Variants in WBP1L observed in about 807,000 individuals in gnomAD.
WBP1L encodes the protein WW domain binding protein 1 like.
Under a neutral mutation model 33.7 loss-of-function variants are expected in WBP1L, and 17 were observed. That is an observed-to-expected ratio of 0.50 (90% CI 0.34 to 0.76). The LOEUF is 0.76. WBP1L is among the 30% of genes least tolerant of loss of function. The pLI, the probability that WBP1L is intolerant of heterozygous loss-of-function variation, is 0.01. For synonymous variants in WBP1L, 173 were observed against 190.8 expected, an observed-to-expected ratio of 0.91 and a Z score of 0.77; for missense variants, 389 against 469.4, an observed-to-expected ratio of 0.83 and a Z score of 1.58.
chr10:102,748,256 T>A lies in WBP1L; in HGVS notation c.90+4113T>A, dbSNP rs1334195655. On this transcript the variant is annotated intron_variant, in intron 1 of 3. Transcript: ENST00000448841. ...CTGGGCAACAGAGCGAGACTCCGTC[T>A]CAAAAAAAAAAAACCAAACAAACAA... Among the ~76,000 whole-genome samples, 24 of 148,192 alleles carry A rather than the reference T, an allele frequency of 1.6e-4. 1 individual carries two copies. The highest frequency in any genetic ancestry group is 1.5e-3 in the Admixed American group (23 of 14,872).
intron 1 of WBP1L, among the ~76,000 whole-genome samples, chr10:102,778,145 C>T (rs564565661): frequency 2.0e-5 from 3 of 152,210 alleles, no homozygotes; most frequent in Non-Finnish European, 4.4e-5. Flanking sequence ...ACGTTAGCAC[C>T]TGGGCTGGTA....
In WBP1L at chr10:102,768,363, AGTTTTTT is replaced by A. The variant is rs1590172964; in HGVS notation, c.90+24228_90+24234del. ...TGCTTGAGCCATTGCGCCTGGCATT[AGTTTTTT>A]GTTTTTTTTTTTTTTTTTTTTTTTT... is the stretch of plus-strand genomic sequence containing the variant. On this transcript the variant is annotated intron_variant, in intron 1 of 3. Transcript: ENST00000448841. 3.6e-3 allele frequency among the ~76,000 whole-genome samples: 166 copies of A among 46,200 alleles called. 18 individuals carry two copies. The highest frequency in any genetic ancestry group is 0.01 in the African/African-American group (58 of 5,662). The allele number at this position is 46,200 out of a possible 152,430, so 30.3% of individuals were successfully genotyped here.
intron 2 of WBP1L, among the ~76,000 whole-genome samples, chr10:102,800,530 T>C (rs7077215): frequency 0.011 from 1,706 of 152,282 alleles, 27 homozygotes; most frequent in African/African-American, 0.039. Flanking sequence ...TCTCTCTAGC[T>C]ACGGGCGTTT....
At chr10:102,808,634 A>T (rs532627519) in intron 2 of WBP1L, among the ~76,000 whole-genome samples, 1 of 152,312 alleles carries the variant, frequency 6.6e-6, no homozygotes, top group East Asian at 1.9e-4. Flanking sequence ...CCCGATTAGG[A>T]TTATGTCGAG....
At chr10:102,765,065 T>TGA (rs1288539597) in intron 1 of WBP1L, among the ~76,000 whole-genome samples, 2 of 152,128 alleles carry the variant, frequency 1.3e-5, no homozygotes, top group African/African-American at 4.8e-5. Context: ...AGCTGAGAAA[T>TGA]GAGAGATGTA....
chr10:102,809,191 C>T (rs1843788434), intron 2 of WBP1L, among the ~76,000 whole-genome samples: 3 of 152,152 alleles, frequency 2.0e-5, no homozygotes, highest in Non-Finnish European at 4.4e-5. Flanking sequence ...AATTCTCCTG[C>T]CTCAGCCTCC....
Position 102,744,009 on chromosome 10 carries a change from A to G in WBP1L, c.-45A>G, listed in dbSNP as rs1022530701. Reference sequence around the variant, plus strand: ...GTAGAGGAGGAGAGGGAGGAGGAGGAGGGAGGTGGCGGCGCCGTGGCGGAG... The same window carrying G: ...GTAGAGGAGGAGAGGGAGGAGGAGGGGGGAGGTGGCGGCGCCGTGGCGGAG... On this transcript the variant is annotated 5_prime_UTR_variant, in exon 1 of 4. Coordinates refer to ENST00000448841, the MANE Select transcript of WBP1L (RefSeq NM_001083913.2). 4 of 1,389,652 alleles carry G rather than the reference A, an allele frequency of 2.9e-6. No individual in the cohort carries two copies. Among genetic ancestry groups the G allele is most frequent in the Non-Finnish European group, 4.0e-6 (4 of 1,004,210 alleles). 86.1% of individuals were successfully genotyped at this position (1,389,652 alleles called of 1,614,324 possible).
chr10:102,806,918 G>A (rs565026725), intron 2 of WBP1L, among the ~76,000 whole-genome samples: 2 of 152,150 alleles, frequency 1.3e-5, no homozygotes, highest in African/African-American at 2.4e-5. Flanking sequence ...GGAAAATTGT[G>A]TATATACAAA....
rs139356523 is a variant in WBP1L at position 102,787,186 on chromosome 10, G to A, written c.91-10807G>A. Among the ~76,000 whole-genome samples the A allele has an allele frequency of 4.6e-5, 7 of 152,338 alleles. No individual in the cohort carries two copies. In the East Asian group the frequency reaches 1.3e-3, roughly 29 times the overall value. On this transcript the variant is annotated intron_variant, in intron 1 of 3. Transcript: ENST00000448841. Reference sequence around the variant, plus strand: ...GCAGTGGCTTGCCCTTTATGGGGAAGGATGGAATTGAGTAAGCTCTTTTAG... The same window carrying A: ...GCAGTGGCTTGCCCTTTATGGGGAAAGATGGAATTGAGTAAGCTCTTTTAG...
rs567487638 is a variant in WBP1L at position 102,812,922 on chromosome 10, A to C, written c.683A>C (p.Asp228Ala). The change falls in exon 4 of 4, where the codon GAC becomes GCC. Residue 228 changes from aspartate (D) to alanine (A), a missense_variant. Coordinates refer to ENST00000448841, the MANE Select transcript of WBP1L (RefSeq NM_001083913.2). ...TCTGTGGCTGGCCTGGGGGAGCTGG[A>C]CCCGGGGGCCTTCCTGGACAAAGAT... ...SGSVAGLGELDPGAFLDKDAE... is the reference protein window; with the variant it reads ...SGSVAGLGELAPGAFLDKDAE... 6.3e-7 allele frequency: 1 copy of C among 1,588,334 alleles called. No individual in the cohort carries two copies. The highest frequency in any genetic ancestry group is 1.1e-5 in the South Asian group (1 of 87,584).
At chr10:102,770,913 A>G (rs1843179672) in intron 1 of WBP1L, among the ~76,000 whole-genome samples, 1 of 152,246 alleles carries the variant, frequency 6.6e-6, no homozygotes. Context: ...CATAAAGGAA[A>G]GAGCCTGTGG....
At chr10:102,812,454 C>T (rs1843856867) in intron 3 of WBP1L, 141 bp from the exon 4 acceptor site, 2 of 1,026,520 alleles carry the variant, frequency 1.9e-6, no homozygotes, top group Non-Finnish European at 2.7e-6. Flanking sequence ...CTCTCCTCTG[C>T]TCACAACCAA....
chr10:102,761,512 A>C (rs1376612584), intron 1 of WBP1L, among the ~76,000 whole-genome samples: 4 of 151,058 alleles, frequency 2.6e-5, no homozygotes, highest in African/African-American at 9.8e-5. Flanking sequence ...GCTGGAGTGC[A>C]ATGGTACAAT....
chr10:102,773,040 A>G (rs1843213268), intron 1 of WBP1L, among the ~76,000 whole-genome samples: 1 of 151,032 alleles, frequency 6.6e-6, no homozygotes, highest in African/African-American at 2.4e-5. Flanking sequence ...CTCATCATGT[A>G]TGAGGCTGGA....
At chr10:102,806,810 G>A (rs376375301) in intron 2 of WBP1L, among the ~76,000 whole-genome samples, 150 of 152,298 alleles carry the variant, frequency 9.8e-4, no homozygotes, top group African/African-American at 3.4e-3. Context: ...CCCACTTGGT[G>A]GAGGGCAGCT....
chr10:102,789,747 CT>C lies in WBP1L; in HGVS notation c.91-8229del, dbSNP rs759423576. Among the ~76,000 whole-genome samples, 448 of 138,152 alleles carry C rather than the reference CT, an allele frequency of 3.2e-3. 1 individual carries two copies. The highest frequency in any genetic ancestry group is 4.6e-3 in the African/African-American group (173 of 37,996). The allele number at this position is 138,152 out of a possible 152,430, so 90.6% of individuals were successfully genotyped here. On this transcript the variant is annotated intron_variant, in intron 1 of 3. Transcript: ENST00000448841. Reference sequence around the variant, plus strand: ...TTCTTATTATCTGGAAATTTTGTATCTTTTTTTTTTTTTTTTTGACAGTCTC... The same window carrying C: ...TTCTTATTATCTGGAAATTTTGTATCTTTTTTTTTTTTTTTTGACAGTCTC...
chr10:102,766,992 G>C (rs1843120209), intron 1 of WBP1L, among the ~76,000 whole-genome samples: 1 of 152,210 alleles, frequency 6.6e-6, no homozygotes, highest in African/African-American at 2.4e-5. Context: ...GCAGCCTGCT[G>C]ATTTTCATGT....
chr10:102,777,885 C>G (rs1161855154), intron 1 of WBP1L, among the ~76,000 whole-genome samples: 1 of 152,138 alleles, frequency 6.6e-6, no homozygotes, highest in African/African-American at 2.4e-5. Flanking sequence ...TCCTTTTAAC[C>G]TATGGGCAGA....
intron 1 of WBP1L, chr10:102,776,118 C>T: frequency 7.4e-7 from 1 of 1,342,536 alleles, no homozygotes. Flanking sequence ...ATGTCATTTC[C>T]CCCTTGGCAG....
Sources: allele counts gnomAD v4.1 joint callset (sites outside exome capture counted in the v4.1 genomes callset), GRCh38; gene constraint gnomAD v4.1.1; transcripts MANE v1.5; gene names NCBI Gene and HGNC (gene_info 2026-07-23, HGNC 2026-07-21).